LRFN1: variants seen among roughly 807,000 people sequenced by gnomAD.
LRFN1 encodes leucine-rich repeat and fibronectin type III domain-containing protein 1.
In LRFN1, 20 loss-of-function variants were observed where a neutral mutation model predicts 31.8. That is an observed-to-expected ratio of 0.63 (90% confidence interval 0.44 to 0.91). The LOEUF is 0.91. Among genes scored for constraint, LRFN1 ranks in the 40% least tolerant of loss-of-function variants. The pLI is 0.00. For missense variants in LRFN1, 912 were observed against 1,129.8 expected (o/e 0.81, Z 2.76); for synonymous variants, 514 against 541.3 (o/e 0.95, Z 0.70).
Position 39,315,172 on chromosome 19 carries a change from G to A in LRFN1, c.165C>T (p.Gly55=), listed in dbSNP as rs1173353623. Residue 55 remains glycine (G), a synonymous_variant, in exon 4 of 5, where the codon GGC becomes GGT. Coordinates refer to ENST00000248668, the MANE Select transcript of LRFN1 (RefSeq NM_020862.2). This position sits in a 1 kb window ranked among gnomAD's most constrained non-coding sequence, Gnocchi z 4.7. ...CGATGGCGGGCGGCACAAAGAGCAA[G>A]CCGGTCTTGGCGCACAGCATTGTCA... is the stretch of plus-strand genomic sequence containing the variant. ...PTLTMLCAKT[G]LLFVPPAIDR... 1.9e-6 allele frequency: 3 copies of A among 1,589,438 alleles called. No homozygotes were observed. The highest frequency in any genetic ancestry group is 4.5e-5 in the East Asian group (2 of 44,552).
rs1312237623 is a variant in LRFN1, at chr19:39,308,051, G to T, written c.1898C>A (p.Ala633Glu). The T allele has an allele frequency of 3.3e-6, 5 of 1,524,202 alleles. No individual in the cohort carries two copies. The highest frequency in any genetic ancestry group is 4.4e-6 in the Non-Finnish European group (5 of 1,140,674). The allele number at this position is 1,524,202 out of a possible 1,614,324, so 94.4% of individuals were successfully genotyped here. A position where few individuals can be genotyped will look rare whatever the true frequency, so the allele number is the denominator to read the frequency against. ...AKAMEAETAS[A>E]EPEVVLGRSL... ...ACGTCCAAGGACCACCTCCGGCTCC[G>T]CGGATGCCGTCTCGGCCTCCATGGC... The change falls in exon 5 of 5, where the codon GCG becomes GAG. Residue 633 changes from alanine to glutamate, a missense_variant. Physicochemically the swap from Ala to Glu is moderately radical, Grantham distance 107 (BLOSUM62 -1). Coordinates refer to ENST00000248668, the MANE Select transcript of LRFN1 (RefSeq NM_020862.2). This position sits in a 1 kb window ranked among gnomAD's most constrained non-coding sequence, Gnocchi z 6.2.
chr19:39,309,817 T>C (rs868247531), intron 4 of LRFN1, among the ~76,000 whole-genome samples: 1 of 152,220 alleles, frequency 6.6e-6, no homozygotes, highest in Non-Finnish European at 1.5e-5. Flanking sequence ...TATTCCTTTC[T>C]TGCTGTAGGC....
At chr19:39,311,276 G>A (rs1316425334) in intron 4 of LRFN1, among the ~76,000 whole-genome samples, 1 of 152,204 alleles carries the variant, frequency 6.6e-6, no homozygotes, top group Non-Finnish European at 1.5e-5. Context: ...TGCAATGGGG[G>A]TTGGAGAACT....
chr19:39,308,837 G>C lies in LRFN1; in HGVS notation c.1407-295C>G, dbSNP rs2075140585. 6.6e-6 allele frequency among the ~76,000 whole-genome samples: 1 copy of C among 152,172 alleles called. No individual in the cohort carries two copies. Among genetic ancestry groups the C allele is most frequent in the Non-Finnish European group, 1.5e-5 (1 of 68,032 alleles). ...TCTGCATATCCCGGCCCCTGCAGGG[G>C]AGAAGTGCTATGGCTTTTAAGCCCT... is the stretch of plus-strand genomic sequence containing the variant. On this transcript the variant is annotated intron_variant, in intron 4 of 4. Transcript: ENST00000248668. This position sits in a 1 kb window ranked among gnomAD's most constrained non-coding sequence, Gnocchi z 6.2.
chr19:39,308,576 T>C lies in LRFN1; in HGVS notation c.1407-34A>G. ...GGGGGCGGGTTCAGGGCGGGGTTAG[T>C]CCCCCCGAACCACGCCCCTTCGCTT... On this transcript the variant is annotated intron_variant, in intron 4 of 4. Transcript: ENST00000248668. This position sits in a 1 kb window ranked among gnomAD's most constrained non-coding sequence, Gnocchi z 6.2. 1.9e-6 allele frequency: 3 copies of C among 1,538,630 alleles called. No homozygotes were observed. Among genetic ancestry groups the C allele is most frequent in the South Asian group, 1.2e-5 (1 of 81,790 alleles).
Position 39,314,476 on chromosome 19 carries a change from C to T in LRFN1, c.861G>A (p.Trp287Ter). ...TPEHLTDRYF[W>*]SIPEEEFLCE... is the part of the protein sequence containing the mutation. ...ACAGGAACTCCTCCTCGGGGATGGA[C>T]CAGAAGTAGCGGTCGGTGAGGTGTT... is the stretch of plus-strand genomic sequence containing the variant. The change falls in exon 4 of 5, where the codon TGG (tryptophan) becomes TGA (stop). Residue 287 changes from tryptophan (W) to a stop codon, truncating the protein, a stop_gained. Transcript: ENST00000248668. LOFTEE classifies it high-confidence loss of function. 6.2e-7 allele frequency: 1 copy of T among 1,610,630 alleles called. No homozygotes were observed. Among genetic ancestry groups the T allele is most frequent in the Non-Finnish European group, 8.5e-7 (1 of 1,179,228 alleles).
chr19:39,307,664 C>A lies in LRFN1; in HGVS notation c.2285G>T (p.Ser762Ile). 1 of 1,491,800 alleles carries A rather than the reference C, an allele frequency of 6.7e-7. No individual in the cohort carries two copies. The highest frequency in any genetic ancestry group is 8.9e-7 in the Non-Finnish European group (1 of 1,129,340). The allele number at this position is 1,491,800 out of a possible 1,614,324, so 92.4% of individuals were successfully genotyped here. Residue 762 changes from serine (S) to isoleucine (I), a missense_variant, in exon 5 of 5, where the codon AGC (serine) becomes ATC (isoleucine). Physicochemically the swap from Ser to Ile is moderately radical, Grantham distance 142 (BLOSUM62 -2). Transcript: ENST00000248668. This position sits in a 1 kb window ranked among gnomAD's most constrained non-coding sequence, Gnocchi z 6.7. ...GSARACLAFTSTEWMLESTV is the reference protein window; with the variant it reads ...GSARACLAFTITEWMLESTV Reference sequence around the variant, plus strand: ...GGTACTCTCCAGCATCCACTCGGTGCTGGTGAAAGCCAGGCACGCCCTGGC... The same window carrying A: ...GGTACTCTCCAGCATCCACTCGGTGATGGTGAAAGCCAGGCACGCCCTGGC...
At chr19:39,309,322 C>T (rs2075142198) in intron 4 of LRFN1, among the ~76,000 whole-genome samples, 1 of 151,770 alleles carries the variant, frequency 6.6e-6, no homozygotes, top group African/African-American at 2.4e-5. Context: ...GGCGTGGTGG[C>T]AGGCACCTGT....
In LRFN1 at chr19:39,307,395, G is replaced by A. The variant is rs372289343; in HGVS notation, c.*238C>T. Reference sequence around the variant, plus strand: ...CGCGCGAGGGGAGGGGTAGGAGGGGGGTCGAGGAGTCCATAGGGGAAGGGA... The same window carrying A: ...CGCGCGAGGGGAGGGGTAGGAGGGGAGTCGAGGAGTCCATAGGGGAAGGGA... On this transcript the variant is annotated 3_prime_UTR_variant, in exon 5 of 5. Coordinates refer to ENST00000248668, the MANE Select transcript of LRFN1 (RefSeq NM_020862.2). This position sits in a 1 kb window ranked among gnomAD's most constrained non-coding sequence, Gnocchi z 6.7. 7.0e-5 allele frequency: 29 copies of A among 416,876 alleles called. No homozygotes were observed. The East Asian group carries it at 9.6e-4, about 14-fold the overall frequency. 25.8% of individuals were successfully genotyped at this position (416,876 alleles called of 1,614,324 possible). A position where few individuals can be genotyped will look rare whatever the true frequency, so the allele number is the denominator to read the frequency against.
At chr19:39,320,278 C>T (rs941842967) in intron 1 of LRFN1, among the ~76,000 whole-genome samples, 14 of 151,434 alleles carry the variant, frequency 9.2e-5, no homozygotes, top group African/African-American at 3.2e-4. Flanking sequence ...CTCACAGATA[C>T]ACACCCTCGG....
In LRFN1 at chr19:39,315,150, TGGC is replaced by T. The variant is rs1568570143; in HGVS notation, c.184_186del (p.Ala62del). The T allele has an allele frequency of 1.3e-6, 2 of 1,591,148 alleles. No homozygotes were observed. The highest frequency in any genetic ancestry group is 1.3e-5 in the African/African-American group (1 of 74,828). ...CGCAGCTCCACCACGCGCCGGTCGA[TGGC>T]GGGCGGCACAAAGAGCAAGCCGGTC... On this transcript the variant is annotated inframe_deletion, in exon 4 of 5. Coordinates refer to ENST00000248668, the MANE Select transcript of LRFN1 (RefSeq NM_020862.2). This position sits in a 1 kb window ranked among gnomAD's most constrained non-coding sequence, Gnocchi z 4.7.
At position 39,308,005 on chromosome 19, in the gene LRFN1, G is replaced by A; in HGVS notation, c.1944C>T (p.Thr648=). ...CCTCGGATGGCAGCAGGCACAGCGA[G>A]GTGGCCGAGCCGCCCAGAGAACGTC... is the stretch of plus-strand genomic sequence containing the variant. The part of the protein sequence containing the change: ...VLGRSLGGSA[T]SLCLLPSEET... The change falls in exon 5 of 5, where the codon ACC becomes ACT. Residue 648 remains threonine (T), a synonymous_variant. Coordinates refer to ENST00000248668, the MANE Select transcript of LRFN1 (RefSeq NM_020862.2). The surrounding 1 kb of genome is among the most constrained non-coding windows in gnomAD (Gnocchi z 6.2). The A allele has an allele frequency of 6.4e-7, 1 of 1,573,902 alleles. No homozygotes were observed. Among genetic ancestry groups the A allele is most frequent in the Non-Finnish European group, 8.6e-7 (1 of 1,166,620 alleles).
At chr19:39,316,704 A>G (rs1795296514) in intron 2 of LRFN1, among the ~76,000 whole-genome samples, 1 of 152,052 alleles carries the variant, frequency 6.6e-6, no homozygotes, top group South Asian at 2.1e-4. Context: ...CACAACACAC[A>G]CACACACACT....
At chr19:39,319,325 C>T (rs570554256) in intron 1 of LRFN1, among the ~76,000 whole-genome samples, 90 of 152,156 alleles carry the variant, frequency 5.9e-4, no homozygotes, top group Admixed American at 1.4e-3. Context: ...ACACACACAC[C>T]TGTGCAAACA....
intron 4 of LRFN1, 45 bp downstream of exon 4, chr19:39,313,886 C>T: frequency 6.5e-7 from 1 of 1,539,020 alleles, no homozygotes; most frequent in East Asian, 2.3e-5. Flanking sequence ...GGAGGGTCCC[C>T]CTGGGCTTGG....
chr19:39,312,571 G>A (rs976485249), intron 4 of LRFN1, among the ~76,000 whole-genome samples: 6 of 152,128 alleles, frequency 3.9e-5, no homozygotes, highest in Admixed American at 6.6e-5. Flanking sequence ...GGGAGGCCAA[G>A]GCAGGAGGAT....
intron 4 of LRFN1, among the ~76,000 whole-genome samples, chr19:39,310,809 A>G (rs2075148084): frequency 6.6e-6 from 1 of 152,022 alleles, no homozygotes; most frequent in East Asian, 1.9e-4. Context: ...CTGGCCCTGA[A>G]GCTCCACCTC....
intron 4 of LRFN1, among the ~76,000 whole-genome samples, chr19:39,309,029 C>G (rs1326827934): frequency 6.6e-6 from 1 of 152,240 alleles, no homozygotes; most frequent in African/African-American, 2.4e-5. Flanking sequence ...AAGGTCAGCT[C>G]ACAGCGCCTG....
At position 39,307,533 on chromosome 19, in the gene LRFN1, C is replaced by G; in HGVS notation, c.*100G>C. The G allele has an allele frequency of 7.9e-7, 1 of 1,267,524 alleles. No individual in the cohort carries two copies. The highest frequency in any genetic ancestry group is 1.0e-6 in the Non-Finnish European group (1 of 989,450). 78.5% of individuals were successfully genotyped at this position (1,267,524 alleles called of 1,614,324 possible). ...ACAAGGGCGCGTCTCCACTCTGGTCCAATGTCTTGGCGCTGCGCTTTCTCC... is the reference window on the plus strand; with the variant it reads ...ACAAGGGCGCGTCTCCACTCTGGTCGAATGTCTTGGCGCTGCGCTTTCTCC... On this transcript the variant is annotated 3_prime_UTR_variant, in exon 5 of 5. Transcript: ENST00000248668. This position sits in a 1 kb window ranked among gnomAD's most constrained non-coding sequence, Gnocchi z 6.7.
Sources: gnomAD v4.1 joint callset for allele counts (sites outside exome capture counted in the v4.1 genomes callset) on GRCh38, gnomAD v4.1.1 for gene constraint, Gnocchi (gnomAD v3.1) non-coding constraint, MANE v1.5 for transcripts, NCBI Gene and HGNC (gene_info 2026-07-23, HGNC 2026-07-21) for gene names.